FARP1: variants seen among roughly 807,000 people sequenced by gnomAD.
FARP1 encodes FERM, ARHGEF and pleckstrin domain-containing protein 1.
In FARP1, 52 loss-of-function variants were observed where a neutral mutation model predicts 128.8. The ratio of observed to expected loss-of-function variants is 0.40; its 90% CI spans 0.32 to 0.51. The LOEUF (loss-of-function observed/expected upper bound fraction) is 0.51. Ranked by LOEUF, FARP1 falls within the 20% of genes least tolerant of loss-of-function variation. The pLI is 0.45. For missense variants in FARP1, 1,333 were observed against 1,367.9 expected (o/e 0.97, Z 0.40); for synonymous variants, 580 against 551.8 (o/e 1.05, Z -0.72).
chr13:98,275,436 A>G (rs907517584), intron 2 of FARP1, among the ~76,000 whole-genome samples: 21 of 151,176 alleles, frequency 1.4e-4, no homozygotes, highest in African/African-American at 5.1e-4. Context: ...CCATGAGTTG[A>G]TGATTGTTGA....
intron 13 of FARP1, chr13:98,403,521 T>TA (rs1251867867): frequency 6.6e-6 from 1 of 152,238 alleles, no homozygotes; most frequent in East Asian, 1.9e-4. Context: ...GATATGTAGA[T>TA]ACGTGTGTGT....
chr13:98,249,312 C>A (rs914432092), intron 2 of FARP1, among the ~76,000 whole-genome samples: 1 of 152,166 alleles, frequency 6.6e-6, no homozygotes, highest in Non-Finnish European at 1.5e-5. Flanking sequence ...GGAAATATTG[C>A]AAGTATAGCT....
intron 2 of FARP1, among the ~76,000 whole-genome samples, chr13:98,308,001 C>A (rs1886244766): frequency 2.0e-5 from 1 of 49,896 alleles, no homozygotes; most frequent in African/African-American, 4.9e-5. Context: ...GCCTGGACTG[C>A]CTGCCCCCCT....
intron 2 of FARP1, among the ~76,000 whole-genome samples, chr13:98,300,140 C>G (rs1182865070): frequency 6.6e-6 from 1 of 152,220 alleles, no homozygotes; most frequent in African/African-American, 2.4e-5. Flanking sequence ...CCCCTGAGAG[C>G]ACTGTATCTA....
chr13:98,352,496 C>T (rs11840449), intron 3 of FARP1, among the ~76,000 whole-genome samples: 1 of 152,080 alleles, frequency 6.6e-6, no homozygotes, highest in Non-Finnish European at 1.5e-5. Flanking sequence ...GGAGGGCAAT[C>T]GAGCCAGGGA....
intron 3 of FARP1, among the ~76,000 whole-genome samples, chr13:98,361,097 T>A (rs1026565685): frequency 8.5e-5 from 13 of 152,172 alleles, no homozygotes; most frequent in Admixed American, 2.6e-4. Flanking sequence ...TGCAGTTGAG[T>A]GGCAACCTCT....
At chr13:98,228,442 A>C (rs559682521) in intron 2 of FARP1, among the ~76,000 whole-genome samples, 18 of 152,324 alleles carry the variant, frequency 1.2e-4, no homozygotes, top group African/African-American at 4.1e-4. Flanking sequence ...TTAAAAAAAA[A>C]AATGCCACAG....
intron 6 of FARP1, among the ~76,000 whole-genome samples, chr13:98,382,103 G>A (rs3888073): frequency 0.27 from 41,038 of 151,784 alleles, 5,569 homozygotes; most frequent in South Asian, 0.37. Context: ...GGTATGTGGC[G>A]GTAGCCCCAG....
At chr13:98,253,065 T>C (rs916274526) in intron 2 of FARP1, among the ~76,000 whole-genome samples, 1 of 152,150 alleles carries the variant, frequency 6.6e-6, no homozygotes, top group African/African-American at 2.4e-5. Context: ...ATACTCAAAG[T>C]AGGGAGTGTG....
At chr13:98,423,650 G>A (rs115121766) in intron 16 of FARP1, among the ~76,000 whole-genome samples, 42 of 152,288 alleles carry the variant, frequency 2.8e-4, no homozygotes, top group African/African-American at 9.9e-4. Context: ...CACACCTCGT[G>A]ATAACAGATA....
intron 1 of FARP1, among the ~76,000 whole-genome samples, chr13:98,164,881 A>G (rs1158461040): frequency 1.3e-5 from 2 of 152,122 alleles, no homozygotes; most frequent in Non-Finnish European, 2.9e-5. Context: ...GGAGTTCGAG[A>G]CCAGCCTGGC....
intron 9 of FARP1, among the ~76,000 whole-genome samples, chr13:98,389,107 T>C (rs1890208302): frequency 6.6e-6 from 1 of 152,234 alleles, no homozygotes. Context: ...AAGAAGATGA[T>C]AAATGGCAAT....
At chr13:98,233,476 C>T (rs1383039079) in intron 2 of FARP1, among the ~76,000 whole-genome samples, 1 of 152,164 alleles carries the variant, frequency 6.6e-6, no homozygotes, top group African/African-American at 2.4e-5. Context: ...GGAGTCCCAG[C>T]TCCTTCCCCC....
At chr13:98,373,066 T>C (rs1312304615) in intron 5 of FARP1, among the ~76,000 whole-genome samples, 2 of 152,184 alleles carry the variant, frequency 1.3e-5, no homozygotes, top group Non-Finnish European at 2.9e-5. Context: ...ACAAGGGCCT[T>C]GGATCAGGAA....
chr13:98,306,381 C>G (rs1293860330), intron 2 of FARP1, among the ~76,000 whole-genome samples: 2 of 152,214 alleles, frequency 1.3e-5, no homozygotes, highest in Non-Finnish European at 2.9e-5. Flanking sequence ...GTGCTAGACA[C>G]TTTACATGTT....
chr13:98,195,105 TTG>T (rs1879489225), intron 1 of FARP1, among the ~76,000 whole-genome samples: 1 of 152,142 alleles, frequency 6.6e-6, no homozygotes, highest in Admixed American at 6.5e-5. Flanking sequence ...TAAAATCACT[TTG>T]TGGGAAAGTG....
intron 1 of FARP1, among the ~76,000 whole-genome samples, chr13:98,144,113 G>T (rs1875315808): frequency 6.6e-6 from 1 of 152,166 alleles, no homozygotes; most frequent in Non-Finnish European, 1.5e-5. Context: ...TTGCTTTGCG[G>T]CGAGTATTTC....
chr13:98,163,124 C>T (rs1440716268), intron 1 of FARP1, among the ~76,000 whole-genome samples: 6 of 152,110 alleles, frequency 3.9e-5, no homozygotes, highest in Admixed American at 6.6e-5. Flanking sequence ...ATATATACCA[C>T]GGAATACTAT....
chr13:98,242,045 A>T (rs1882802653), intron 2 of FARP1, among the ~76,000 whole-genome samples: 1 of 152,192 alleles, frequency 6.6e-6, no homozygotes, highest in African/African-American at 2.4e-5. Flanking sequence ...GTCCATGGAC[A>T]GGTCCTCTGC....
Sources: allele counts gnomAD v4.1 joint callset (sites outside exome capture counted in the v4.1 genomes callset), GRCh38; gene constraint gnomAD v4.1.1; transcripts MANE v1.5; gene names NCBI Gene and HGNC (gene_info 2026-07-23, HGNC 2026-07-21).